The following GALNTL6 variants were observed in gnomAD, a reference collection of about 807,000 sequenced individuals.
GALNTL6 encodes polypeptide N-acetylgalactosaminyltransferase-like 6.
A neutral mutation model predicts 73.7 loss-of-function variants in GALNTL6; 46 were observed. That is an observed-to-expected ratio of 0.62 (90% CI 0.49 to 0.80). GALNTL6 has a LOEUF of 0.80. Ranked by LOEUF, GALNTL6 falls within the 30% of genes least tolerant of loss-of-function variation. The pLI, the probability that GALNTL6 is intolerant of heterozygous loss-of-function variation, is 0.00. For missense variants in GALNTL6, 604 were observed against 755.0 expected (o/e 0.80, Z 2.34); for synonymous variants, 259 against 263.7 (o/e 0.98, Z 0.17).
intron 2 of GALNTL6, among the ~76,000 whole-genome samples, chr4:172,103,070 A>G (rs1201765783): frequency 6.6e-6 from 1 of 152,180 alleles, no homozygotes; most frequent in African/African-American, 2.4e-5. Flanking sequence ...AATATACATA[A>G]AAGTATGGTT....
intron 5 of GALNTL6, among the ~76,000 whole-genome samples, chr4:172,484,113 T>A (rs1733589422): frequency 6.6e-6 from 1 of 152,152 alleles, no homozygotes; most frequent in South Asian, 2.1e-4. Flanking sequence ...ATACTCCTTG[T>A]TTTGAAACAG....
At chr4:172,142,773 G>A (rs965604318) in intron 2 of GALNTL6, among the ~76,000 whole-genome samples, 2 of 151,838 alleles carry the variant, frequency 1.3e-5, no homozygotes, top group African/African-American at 4.8e-5. Flanking sequence ...GTTACAATGA[G>A]TTCATATTCT....
intron 10 of GALNTL6, among the ~76,000 whole-genome samples, chr4:172,981,796 CTTT>C (rs56273122): frequency 2.8e-4 from 28 of 101,798 alleles, no homozygotes; most frequent in Admixed American, 6.7e-4. Context: ...GTATGAACGT[CTTT>C]TTTTTTTTTT....
intron 2 of GALNTL6, among the ~76,000 whole-genome samples, chr4:172,151,457 A>G (rs1229251064): frequency 2.0e-5 from 3 of 152,236 alleles, no homozygotes; most frequent in Non-Finnish European, 4.4e-5. Flanking sequence ...ATATTTTCCA[A>G]CATTATTTAT....
intron 8 of GALNTL6, among the ~76,000 whole-genome samples, chr4:172,886,658 G>A (rs1327495188): frequency 2.0e-5 from 3 of 152,094 alleles, no homozygotes; most frequent in African/African-American, 7.2e-5. Context: ...AGCTACTGGG[G>A]AGGCTGAGAC....
At chr4:172,313,629 C>A (rs1453327635) in intron 4 of GALNTL6, among the ~76,000 whole-genome samples, 1 of 151,970 alleles carries the variant, frequency 6.6e-6, no homozygotes, top group Non-Finnish European at 1.5e-5. Context: ...AAAAAAAATT[C>A]TGAAATTTTT....
In GALNTL6 at chr4:172,742,545, CA is replaced by C. The variant is rs1736868143; in HGVS notation, c.554-66815del. On this transcript the variant is annotated intron_variant, in intron 5 of 12. Coordinates refer to ENST00000506823, the MANE Select transcript of GALNTL6 (RefSeq NM_001034845.3). ...TTGGGAACCAAGATCTGAAAACTAACAGAGCACAAAGTTACAGGGATAGGTA... is the reference window on the plus strand; with the variant it reads ...TTGGGAACCAAGATCTGAAAACTAACGAGCACAAAGTTACAGGGATAGGTA... Among the ~76,000 whole-genome samples, 3 of 151,826 alleles carry C rather than the reference CA, an allele frequency of 2.0e-5. No individual in the cohort carries two copies. The South Asian group carries it at 6.2e-4, about 32-fold the overall frequency.
chr4:172,797,204 C>G (rs1740319653), intron 5 of GALNTL6, among the ~76,000 whole-genome samples: 1 of 152,124 alleles, frequency 6.6e-6, no homozygotes, highest in Non-Finnish European at 1.5e-5. Context: ...GATTTTATTG[C>G]TCCCATATGA....
intron 10 of GALNTL6, among the ~76,000 whole-genome samples, chr4:172,969,172 C>T (rs1157896264): frequency 6.6e-6 from 1 of 151,554 alleles, no homozygotes; most frequent in African/African-American, 2.4e-5. Flanking sequence ...CAGGGATGAA[C>T]TAGAAAAGAA....
At chr4:172,085,408 A>G (rs904223204) in intron 2 of GALNTL6, among the ~76,000 whole-genome samples, 1 of 152,094 alleles carries the variant, frequency 6.6e-6, no homozygotes, top group Non-Finnish European at 1.5e-5. Flanking sequence ...GAAATACATT[A>G]CAGGCATGGT....
intron 10 of GALNTL6, among the ~76,000 whole-genome samples, chr4:172,960,442 G>C (rs1220470043): frequency 6.6e-6 from 1 of 152,190 alleles, no homozygotes; most frequent in African/African-American, 2.4e-5. Flanking sequence ...GAAGAATTGG[G>C]ACCTGGCTCA....
chr4:172,923,390 C>T (rs1747890228), intron 8 of GALNTL6, among the ~76,000 whole-genome samples: 2 of 152,144 alleles, frequency 1.3e-5, no homozygotes, highest in Admixed American at 6.5e-5. Flanking sequence ...GAAAGACCCA[C>T]CCCCATGATT....
chr4:172,625,985 G>A (rs1739153141), intron 5 of GALNTL6, among the ~76,000 whole-genome samples: 1 of 152,036 alleles, frequency 6.6e-6, no homozygotes, highest in Non-Finnish European at 1.5e-5. Flanking sequence ...TTACTCTGTT[G>A]ATAGTTTCTT....
intron 5 of GALNTL6, among the ~76,000 whole-genome samples, chr4:172,403,781 A>G (rs959338149): frequency 6.6e-6 from 1 of 152,026 alleles, no homozygotes; most frequent in Non-Finnish European, 1.5e-5. Flanking sequence ...TAACTCTACC[A>G]TAGAATATTC....
chr4:172,903,856 G>T (rs1387072849), intron 8 of GALNTL6, among the ~76,000 whole-genome samples: 4 of 151,824 alleles, frequency 2.6e-5, no homozygotes, highest in African/African-American at 9.7e-5. Context: ...TTTTATTTTA[G>T]ATCCAGGGGT....
chr4:172,704,721 G>T (rs1238127162), intron 5 of GALNTL6, among the ~76,000 whole-genome samples: 1 of 151,966 alleles, frequency 6.6e-6, no homozygotes, highest in Non-Finnish European at 1.5e-5. Flanking sequence ...GGTCTAGAGT[G>T]CAGTTTAATT....
chr4:172,552,842 A>AAAAAAAAAAC (rs1736006934), intron 5 of GALNTL6, among the ~76,000 whole-genome samples: 1 of 149,222 alleles, frequency 6.7e-6, no homozygotes, highest in African/African-American at 2.4e-5. Flanking sequence ...TGCAGTAAAA[A>AAAAAAAAAAC]AAAAAAAAAA....
Position 172,109,011 on chromosome 4 carries a change from T to C in GALNTL6, c.139-120645T>C, listed in dbSNP as rs1316937062. On this transcript the variant is annotated intron_variant, in intron 2 of 12. Transcript: ENST00000506823. ...CTGGGTGACAGAGTGAGACTCCATC[T>C]CCAAAAAAAAAAAAAAAAAAAAAAA... 7.1e-4 allele frequency among the ~76,000 whole-genome samples: 44 copies of C among 61,576 alleles called. No individual in the cohort carries two copies. In the East Asian group the frequency reaches 0.022, roughly 31 times the overall value. 40.4% of individuals were successfully genotyped at this position (61,576 alleles called of 152,430 possible).
chr4:172,011,596 T>C (rs576029229), intron 2 of GALNTL6, among the ~76,000 whole-genome samples: 32 of 152,198 alleles, frequency 2.1e-4, no homozygotes, highest in Non-Finnish European at 4.6e-4. Context: ...TCAACTCATA[T>C]CATTCCTGAA....
Sources: allele counts gnomAD v4.1 joint callset (sites outside exome capture counted in the v4.1 genomes callset), GRCh38; gene constraint gnomAD v4.1.1; transcripts MANE v1.5; gene names NCBI Gene and HGNC (gene_info 2026-07-23, HGNC 2026-07-21).